Variants in SPRED2 observed in about 807,000 individuals in gnomAD.
The protein encoded by SPRED2 is sprouty-related, EVH1 domain-containing protein 2.
A neutral mutation model predicts 43.0 loss-of-function variants in SPRED2; 47 were observed. The observed-to-expected ratio is 1.09, with a 90% CI of 0.87 to 1.40. SPRED2 has a LOEUF of 1.40. Ranked by LOEUF, SPRED2 falls within the 40% of genes most tolerant of loss-of-function variation. The pLI is 0.00. For synonymous variants in SPRED2, 225 were observed against 225.7 expected, an observed-to-expected ratio of 1.00 and a Z score of 0.03; for missense variants, 561 against 586.4, an observed-to-expected ratio of 0.96 and a Z score of 0.45.
chr2:65,323,575 A>G (rs1401902261), intron 4 of SPRED2, among the ~76,000 whole-genome samples: 1 of 151,558 alleles, frequency 6.6e-6, no homozygotes, highest in Non-Finnish European at 1.5e-5. Flanking sequence ...ATGGTAGTAA[A>G]AAAAAAAAAA....
intron 5 of SPRED2, 69 bp downstream of exon 5, chr2:65,316,665 G>C (rs1673242252): frequency 6.5e-7 from 1 of 1,533,896 alleles, no homozygotes; most frequent in Non-Finnish European, 8.8e-7. Context: ...TGAATAGGAG[G>C]GGAAAGAGGC....
At chr2:65,323,809 G>A (rs1673511430) in intron 4 of SPRED2, among the ~76,000 whole-genome samples, 1 of 152,078 alleles carries the variant, frequency 6.6e-6, no homozygotes, top group Non-Finnish European at 1.5e-5. Context: ...GTGGGAGGAA[G>A]AGGTTGCAGT....
chr2:65,353,696 T>C (rs1674571573), intron 1 of SPRED2, among the ~76,000 whole-genome samples: 1 of 152,214 alleles, frequency 6.6e-6, no homozygotes. Flanking sequence ...GCCTCTATAC[T>C]TTCCTTTAAA....
At chr2:65,372,705 T>C (rs867682921) in intron 1 of SPRED2, among the ~76,000 whole-genome samples, 12 of 152,208 alleles carry the variant, frequency 7.9e-5, no homozygotes, top group African/African-American at 2.2e-4. Flanking sequence ...ATTTAGCAAC[T>C]GACAGGCTGA....
At chr2:65,315,391 C>T (rs1673204062) in intron 5 of SPRED2, among the ~76,000 whole-genome samples, 1 of 152,204 alleles carries the variant, frequency 6.6e-6, no homozygotes, top group Non-Finnish European at 1.5e-5. Flanking sequence ...CTCGCCATCA[C>T]AGTCATTATC....
At chr2:65,376,303 G>A (rs62139127) in intron 1 of SPRED2, among the ~76,000 whole-genome samples, 16,709 of 152,202 alleles carry the variant, frequency 0.11, 1,368 homozygotes, top group Non-Finnish European at 0.16. Context: ...AACAGGGCAC[G>A]GCATTCCATG....
intron 1 of SPRED2, among the ~76,000 whole-genome samples, chr2:65,399,935 C>T (rs1274748356): frequency 6.6e-6 from 1 of 152,044 alleles, no homozygotes; most frequent in African/African-American, 2.4e-5. Context: ...ATTCATGTAA[C>T]CAAACACCAC....
Position 65,313,626 on chromosome 2 carries a change from A to G in SPRED2, c.1132T>C (p.Trp378Arg). 6.2e-7 allele frequency: 1 copy of G among 1,614,202 alleles called. No individual in the cohort carries two copies. Among genetic ancestry groups the G allele is most frequent in the Non-Finnish European group, 8.5e-7 (1 of 1,180,020 alleles). ...DTSDEKFCLRWMALIALSFLA... is the reference protein window; with the variant it reads ...DTSDEKFCLRRMALIALSFLA... ...AAAGACAAGGCAATAAGAGCCATCCACCGGAGGCAAAACTTCTCGTCGCTA... is the reference window on the plus strand; with the variant it reads ...AAAGACAAGGCAATAAGAGCCATCCGCCGGAGGCAAAACTTCTCGTCGCTA... The change falls in exon 6 of 6, where the codon TGG becomes CGG. Residue 378 changes from tryptophan (W) to arginine (R), a missense_variant. Trp to Arg is a moderately radical substitution (Grantham distance 101). Transcript: ENST00000356388.
chr2:65,333,259 C>CA lies in SPRED2; in HGVS notation c.374-1209dup, dbSNP rs200576180. Among the ~76,000 whole-genome samples the CA allele has an allele frequency of 7.9e-3, 735 of 93,388 alleles. 7 individuals are homozygous for CA. The highest frequency in any genetic ancestry group is 0.026 in the African/African-American group (558 of 21,256). The allele number at this position is 93,388 out of a possible 152,430, so 61.3% of individuals were successfully genotyped here. On this transcript the variant is annotated intron_variant, in intron 3 of 5. Transcript: ENST00000356388. ...CCAGCCTGGGCTGGAGACTCCATCTCAAAAAAAAAAAAAAAAGAAAAAGAA... is the reference window on the plus strand; with the variant it reads ...CCAGCCTGGGCTGGAGACTCCATCTCAAAAAAAAAAAAAAAAAGAAAAAGAA...
In SPRED2 at chr2:65,386,243, C is replaced by T. The variant is rs375105236; in HGVS notation, c.27-41347G>A. Among the ~76,000 whole-genome samples, 368 of 139,032 alleles carry T rather than the reference C, an allele frequency of 2.6e-3. 1 individual carries two copies. The highest frequency in any genetic ancestry group is 9.2e-3 in the African/African-American group (357 of 38,852). The allele number at this position is 139,032 out of a possible 152,430, so 91.2% of individuals were successfully genotyped here. On this transcript the variant is annotated intron_variant, in intron 1 of 5. Transcript: ENST00000356388. The stretch of plus-strand genomic sequence containing the variant: ...GAGGTTGCAGGGAGCCGAGATCGCG[C>T]CATTGCACTCCAGCCTGGGCGACAA...
intron 1 of SPRED2, among the ~76,000 whole-genome samples, chr2:65,431,008 C>T (rs1572912179): frequency 6.6e-6 from 1 of 152,180 alleles, no homozygotes; most frequent in Non-Finnish European, 1.5e-5. Context: ...AGACTGAAAA[C>T]GCCTCAGACC....
At chr2:65,361,044 T>C (rs527735481) in intron 1 of SPRED2, among the ~76,000 whole-genome samples, 16 of 152,312 alleles carry the variant, frequency 1.1e-4, no homozygotes, top group Non-Finnish European at 1.9e-4. Flanking sequence ...ATCTCTATTT[T>C]TATTAAAAAA....
At chr2:65,371,301 C>G (rs1310671020) in intron 1 of SPRED2, among the ~76,000 whole-genome samples, 1 of 152,086 alleles carries the variant, frequency 6.6e-6, no homozygotes, top group Non-Finnish European at 1.5e-5. Flanking sequence ...GAAATTTGCA[C>G]AAAAGAAACC....
At chr2:65,334,471 T>C in intron 3 of SPRED2, 134 bp downstream of exon 3, 1 of 1,006,368 alleles carries the variant, frequency 9.9e-7, no homozygotes, top group East Asian at 2.5e-5. Flanking sequence ...ATTCCAAAAG[T>C]TTTGGCATCT....
At chr2:65,398,420 A>G (rs1675806870) in intron 1 of SPRED2, among the ~76,000 whole-genome samples, 2 of 152,262 alleles carry the variant, frequency 1.3e-5, no homozygotes, top group African/African-American at 2.4e-5. Flanking sequence ...ACAGCAAAAG[A>G]AACAATCAGC....
chr2:65,351,266 T>A (rs2104287612), intron 1 of SPRED2, among the ~76,000 whole-genome samples: 1 of 152,324 alleles, frequency 6.6e-6, no homozygotes, highest in Admixed American at 6.5e-5. Flanking sequence ...AGTCGTCCAC[T>A]GCAGGCATAC....
downstream of SPRED2, chr2:65,308,285 C>T (rs181682541): frequency 8.1e-5 from 80 of 984,864 alleles, no homozygotes; most frequent in African/African-American, 5.6e-4. Flanking sequence ...CCTGCCCTCT[C>T]GGCAAAACCG....
intron 2 of SPRED2, among the ~76,000 whole-genome samples, chr2:65,335,208 A>C (rs1229111782): frequency 1.3e-5 from 2 of 152,120 alleles, no homozygotes; most frequent in African/African-American, 4.8e-5. Flanking sequence ...AACTTCTGGC[A>C]ATACCAATCC....
chr2:65,388,556 G>A (rs903476168), intron 1 of SPRED2, among the ~76,000 whole-genome samples: 2 of 152,276 alleles, frequency 1.3e-5, no homozygotes. Flanking sequence ...GCTGGGAGAT[G>A]TCCTGGTCTC....
Sources: allele counts gnomAD v4.1 joint callset (sites outside exome capture counted in the v4.1 genomes callset), GRCh38; gene constraint gnomAD v4.1.1; transcripts MANE v1.5; gene names NCBI Gene and HGNC (gene_info 2026-07-23, HGNC 2026-07-21).